Variants in TMEM117 observed in about 807,000 individuals in gnomAD.
TMEM117 encodes transmembrane protein 117.
TMEM117 carries 27 observed loss-of-function variants against 52.4 expected under a neutral mutation model. The observed-to-expected ratio is 0.51, with a 90% CI of 0.38 to 0.71. The LOEUF (loss-of-function observed/expected upper bound fraction) is 0.71, where lower values mean the gene tolerates loss of function less well. TMEM117 is among the 30% of genes least tolerant of loss of function. The pLI is 0.00. For missense variants in TMEM117, 556 were observed against 630.5 expected (o/e 0.88, Z 1.26); for synonymous variants, 215 against 206.3 (o/e 1.04, Z -0.36).
At chr12:44,274,424 T>C (rs1417731030) in intron 5 of TMEM117, among the ~76,000 whole-genome samples, 3 of 152,098 alleles carry the variant, frequency 2.0e-5, no homozygotes, top group Non-Finnish European at 2.9e-5. Context: ...AAAATACTAA[T>C]GACATTCTTC....
intron 3 of TMEM117, among the ~76,000 whole-genome samples, chr12:44,029,306 T>C (rs1098877): frequency 0.99 from 150,803 of 152,312 alleles, 74,667 homozygotes; most frequent in East Asian, 1. Context: ...TTTGGCACTA[T>C]GGGATGTTAA....
chr12:43,920,299 G>C (rs985320847), intron 2 of TMEM117, among the ~76,000 whole-genome samples: 1 of 152,164 alleles, frequency 6.6e-6, no homozygotes, highest in Non-Finnish European at 1.5e-5. Context: ...GCCGAGGCGG[G>C]CGGATCACGA....
chr12:44,354,370 G>A (rs1951613241), intron 6 of TMEM117, among the ~76,000 whole-genome samples: 2 of 151,360 alleles, frequency 1.3e-5, no homozygotes, highest in Non-Finnish European at 2.9e-5. Context: ...AACAAAAAAA[G>A]AGAATTTTAG....
chr12:44,334,706 G>A (rs1340450660), intron 6 of TMEM117, among the ~76,000 whole-genome samples: 1 of 151,938 alleles, frequency 6.6e-6, no homozygotes, highest in Non-Finnish European at 1.5e-5. Context: ...CCTGGATGTA[G>A]GACGGAATCC....
chr12:44,355,467 A>G (rs1309190746), intron 6 of TMEM117, among the ~76,000 whole-genome samples: 2 of 152,040 alleles, frequency 1.3e-5, no homozygotes, highest in Non-Finnish European at 2.9e-5. Flanking sequence ...GATTAGATAC[A>G]TCTGGAGAGT....
intron 3 of TMEM117, among the ~76,000 whole-genome samples, chr12:44,053,712 C>T (rs915322005): frequency 6.6e-6 from 1 of 152,146 alleles, no homozygotes; most frequent in African/African-American, 2.4e-5. Context: ...AAAAGACACT[C>T]TTATCATTAA....
intron 4 of TMEM117, among the ~76,000 whole-genome samples, chr12:44,191,760 C>T (rs550455982): frequency 7.6e-4 from 116 of 152,156 alleles, no homozygotes; most frequent in Non-Finnish European, 1.5e-3. Flanking sequence ...TATCACAATG[C>T]TTAGTGGAGG....
intron 5 of TMEM117, among the ~76,000 whole-genome samples, chr12:44,279,085 C>G (rs1242140370): frequency 6.6e-6 from 1 of 152,020 alleles, no homozygotes; most frequent in African/African-American, 2.4e-5. Flanking sequence ...AATTTTGTGC[C>G]TATATATAAT....
intron 4 of TMEM117, among the ~76,000 whole-genome samples, chr12:44,167,351 C>T (rs2138271660): frequency 6.6e-6 from 1 of 152,300 alleles, no homozygotes; most frequent in South Asian, 2.1e-4. Context: ...GTTGAATACA[C>T]TGGAGACTTG....
chr12:44,027,315 A>G (rs569614202), intron 3 of TMEM117, among the ~76,000 whole-genome samples: 28 of 151,892 alleles, frequency 1.8e-4, no homozygotes, highest in South Asian at 4.2e-4. Flanking sequence ...CTGGGATTAC[A>G]AGCATTCACC....
chr12:43,874,602 G>GCAAACAAAAAGCCATATTAAA (rs1453892233), intron 2 of TMEM117, among the ~76,000 whole-genome samples: 8 of 152,010 alleles, frequency 5.3e-5, no homozygotes, highest in Non-Finnish European at 1.2e-4. Context: ...AAAAAAGCAA[G>GCAAACAAAAAGCCATATTAAA]CAAACAAAAA....
chr12:44,257,941 G>T (rs1374325021), intron 5 of TMEM117, among the ~76,000 whole-genome samples: 1 of 151,932 alleles, frequency 6.6e-6, no homozygotes, highest in Non-Finnish European at 1.5e-5. Flanking sequence ...GTTAATTTTA[G>T]TAGTATTCTT....
chr12:44,071,180 GT>G (rs2137982416), intron 3 of TMEM117, among the ~76,000 whole-genome samples: 1 of 152,280 alleles, frequency 6.6e-6, no homozygotes, highest in Admixed American at 6.5e-5. Flanking sequence ...TTAAAGCTGG[GT>G]TTCCAAATAG....
intron 3 of TMEM117, among the ~76,000 whole-genome samples, chr12:44,107,121 C>T (rs1947969352): frequency 1.3e-5 from 2 of 151,924 alleles, no homozygotes; most frequent in Admixed American, 6.6e-5. Context: ...AAGTGCTTTA[C>T]AATAAATTAT....
At chr12:44,097,798 A>C (rs924400060) in intron 3 of TMEM117, among the ~76,000 whole-genome samples, 1 of 150,906 alleles carries the variant, frequency 6.6e-6, no homozygotes. Flanking sequence ...AACATGGCAC[A>C]TGTATACATA....
chr12:44,225,489 A>C (rs1949849124), intron 5 of TMEM117, among the ~76,000 whole-genome samples: 1 of 152,204 alleles, frequency 6.6e-6, no homozygotes, highest in Admixed American at 6.6e-5. Context: ...TCTATGAATA[A>C]ATGAACGGAT....
intron 6 of TMEM117, among the ~76,000 whole-genome samples, chr12:44,300,502 G>A (rs1232235597): frequency 6.6e-6 from 1 of 152,152 alleles, no homozygotes; most frequent in African/African-American, 2.4e-5. Flanking sequence ...AATTACTGAA[G>A]GAATACTCCA....
At chr12:43,998,327 A>G (rs545475699) in intron 3 of TMEM117, among the ~76,000 whole-genome samples, 6 of 152,362 alleles carry the variant, frequency 3.9e-5, no homozygotes, top group East Asian at 1.9e-4. Flanking sequence ...TAGTGTTAGC[A>G]TAGTATATCT....
At chr12:44,017,252 T>TGTGTGTGTGTGTGTGTG (rs1565793575) in intron 3 of TMEM117, among the ~76,000 whole-genome samples, 3 of 151,686 alleles carry the variant, frequency 2.0e-5, no homozygotes, top group Middle Eastern at 3.2e-3. Context: ...TGTGTGTGTG[T>TGTGTGTGTGTGTGTGTG]TTTAGGTGAT....
Sources: allele counts gnomAD v4.1 joint callset (sites outside exome capture counted in the v4.1 genomes callset), GRCh38; gene constraint gnomAD v4.1.1; transcripts MANE v1.5; gene names NCBI Gene and HGNC (gene_info 2026-07-23, HGNC 2026-07-21).